RBL2: variants seen among roughly 807,000 people sequenced by gnomAD.
The protein encoded by RBL2 is RB transcriptional corepressor like 2.
In RBL2, 56 loss-of-function variants were observed where a neutral mutation model predicts 126.0. The observed-to-expected ratio is 0.44, with a 90% CI of 0.36 to 0.56. The LOEUF (loss-of-function observed/expected upper bound fraction) is 0.56, where lower values mean the gene tolerates loss of function less well. Ranked by LOEUF, RBL2 falls within the 20% of genes least tolerant of loss-of-function variation. The pLI is 0.00. For missense variants in RBL2, 1,229 were observed against 1,398.2 expected (o/e 0.88, Z 1.93); for synonymous variants, 454 against 478.5 (o/e 0.95, Z 0.67).
At position 53,479,191 on chromosome 16, in the gene RBL2, G is replaced by A. The variant is rs376408962; in HGVS notation, c.2741G>A (p.Arg914His). 11 of 1,613,824 alleles carry A rather than the reference G, an allele frequency of 6.8e-6. No homozygotes were observed. Among genetic ancestry groups the A allele is most frequent in the African/African-American group, 2.7e-5 (2 of 74,894 alleles). The change falls in exon 18 of 22, where the codon CGT (arginine) becomes CAT (histidine). Residue 914 changes from arginine to histidine, a missense_variant. Coordinates refer to ENST00000262133, the MANE Select transcript of RBL2 (RefSeq NM_005611.4). ...GATAAGTCCTTCCAGAACATTATGC[G>A]TTGTTATAGGACTCAGCCGCAGGCC... Reference protein sequence around the residue: ...KEDKSFQNIMRCYRTQPQARS... With the variant: ...KEDKSFQNIMHCYRTQPQARS...
intron 17 of RBL2, among the ~76,000 whole-genome samples, chr16:53,475,548 T>G (rs1036551586): frequency 6.6e-6 from 1 of 152,146 alleles, no homozygotes; most frequent in Admixed American, 6.5e-5. Context: ...TCCCTTTTGT[T>G]CTTGGTCTAG....
In RBL2 at chr16:53,434,664, G is replaced by T; in HGVS notation, c.108G>T (p.Pro36=). The change falls in exon 1 of 22, where the codon CCG becomes CCT. Residue 36 remains proline, a synonymous_variant. Transcript: ENST00000262133. ...EDDGEAEDAA[P]PAESPTPQIQ... ...ACGGCGAGGCGGAAGACGCCGCGCC[G>T]CCTGCCGAGTCGCCCACCCCTCAGA... 6.4e-7 allele frequency: 1 copy of T among 1,559,128 alleles called. No individual in the cohort carries two copies.
At chr16:53,471,583 C>T (rs1017535240) in intron 17 of RBL2, among the ~76,000 whole-genome samples, 2 of 151,998 alleles carry the variant, frequency 1.3e-5, no homozygotes, top group African/African-American at 4.8e-5. Flanking sequence ...ATTCTCCTGT[C>T]GTAGCCTCCC....
chr16:53,482,516 A>G (rs896347448), intron 21 of RBL2, among the ~76,000 whole-genome samples: 1 of 152,192 alleles, frequency 6.6e-6, no homozygotes, highest in Non-Finnish European at 1.5e-5. Context: ...TTATTGATAA[A>G]GGTTGCTTAG....
At chr16:53,472,515 A>G (rs775366282) in intron 17 of RBL2, among the ~76,000 whole-genome samples, 1 of 152,226 alleles carries the variant, frequency 6.6e-6, no homozygotes, top group African/African-American at 2.4e-5. Context: ...GATGTCAAGC[A>G]TCTTTTCATG....
rs2058315898 is a variant in RBL2, at chr16:53,470,804, ATGAAT to A, written c.2589_2593del (p.Leu864GlufsTer8). 6.2e-7 allele frequency: 1 copy of A among 1,614,224 alleles called. No individual in the cohort carries two copies. Among genetic ancestry groups the A allele is most frequent in the Non-Finnish European group, 8.5e-7 (1 of 1,180,028 alleles). On this transcript the variant is annotated frameshift_variant, in exon 17 of 22. Transcript: ENST00000262133. LOFTEE classifies it high-confidence loss of function. ...CTCTGTGCCAAACTAGATATTTCAG[ATGAAT>A]TGAGGAAAAAAATCTGGACCTGCTT...
rs1339100976 is a variant in RBL2 at position 53,479,233 on chromosome 16, C to T, written c.2775+8C>T. On this transcript the variant is annotated splice_region_variant and intron_variant, in intron 18 of 21. Transcript: ENST00000262133. ...CCGCAGGCCCGGAGCCAGGTAACTA[C>T]ATTTTCTCTATGGGCTGAAAAATAA... The T allele has an allele frequency of 6.2e-7, 1 of 1,606,630 alleles. No homozygotes were observed. Among genetic ancestry groups the T allele is most frequent in the East Asian group, 2.2e-5 (1 of 44,818 alleles).
At chr16:53,487,844 A>G (rs917453069) in intron 21 of RBL2, 1 of 152,246 alleles carries the variant, frequency 6.6e-6, no homozygotes, top group Non-Finnish European at 1.5e-5. Flanking sequence ...AAAACCACCA[A>G]ATGTAAAAGT....
In RBL2 at chr16:53,486,125, GAA is replaced by G. The variant is rs59433365; in HGVS notation, c.3250-3986_3250-3985del. Among the ~76,000 whole-genome samples the G allele has an allele frequency of 2.1e-3, 197 of 92,150 alleles. 1 individual carries two copies. Among genetic ancestry groups the G allele is most frequent in the African/African-American group, 7.3e-3 (169 of 23,002 alleles). 60.5% of individuals were successfully genotyped at this position (92,150 alleles called of 152,430 possible). A position where few individuals can be genotyped will look rare whatever the true frequency, so the allele number is the denominator to read the frequency against. On this transcript the variant is annotated intron_variant, in intron 21 of 21. Transcript: ENST00000262133. Reference sequence around the variant, plus strand: ...GGCAACATAGCAAGACCTTGTCTCTGAAAAAAAAAAAAAAAAAAAAGCCAGGT... The same window carrying G: ...GGCAACATAGCAAGACCTTGTCTCTGAAAAAAAAAAAAAAAAAAGCCAGGT...
intron 2 of RBL2, among the ~76,000 whole-genome samples, chr16:53,440,046 A>G (rs1478799911): frequency 1.3e-5 from 2 of 151,792 alleles, no homozygotes; most frequent in Non-Finnish European, 2.9e-5. Context: ...CAGTAATCCC[A>G]GCACTTTTGG....
chr16:53,488,979 C>G (rs1049093914), intron 21 of RBL2: 1 of 151,380 alleles, frequency 6.6e-6, no homozygotes, highest in African/African-American at 2.4e-5. Context: ...CATTAGGAGG[C>G]CAAAGCAGGA....
chr16:53,470,321 C>T (rs966883256), intron 15 of RBL2, 62 bp from the exon 16 acceptor site: 14 of 1,576,764 alleles, frequency 8.9e-6, no homozygotes, highest in Non-Finnish European at 1.2e-5. Context: ...AAATTGTAAA[C>T]CTCTGCCCGG....
chr16:53,448,271 C>T (rs2058082694), intron 4 of RBL2, among the ~76,000 whole-genome samples: 1 of 151,458 alleles, frequency 6.6e-6, no homozygotes, highest in Admixed American at 6.6e-5. Flanking sequence ...AATCTCCTGC[C>T]TCAGCCTCCC....
chr16:53,470,829 C>T lies in RBL2; in HGVS notation c.2610C>T (p.Thr870=). Reference sequence around the variant, plus strand: ...ATGAATTGAGGAAAAAAATCTGGACCTGCTTTGAATTCTCCATAATTCAGT... The same window carrying T: ...ATGAATTGAGGAAAAAAATCTGGACTTGCTTTGAATTCTCCATAATTCAGT... ...ISDELRKKIW[T]CFEFSIIQCP... Residue 870 remains threonine (T), a synonymous_variant, in exon 17 of 22, where the codon ACC becomes ACT. Coordinates refer to ENST00000262133, the MANE Select transcript of RBL2 (RefSeq NM_005611.4). The T allele has an allele frequency of 6.2e-7, 1 of 1,614,062 alleles. No homozygotes were observed. The highest frequency in any genetic ancestry group is 8.5e-7 in the Non-Finnish European group (1 of 1,179,942).
chr16:53,462,504 T>C (rs773994572), intron 10 of RBL2, 48 bp from the exon 11 acceptor site: 2 of 1,228,412 alleles, frequency 1.6e-6, no homozygotes, highest in South Asian at 2.8e-5. Context: ...GCCTTTATTT[T>C]CTTTGTGTGC....
At chr16:53,469,792 G>A in intron 14 of RBL2, 124 bp from the exon 15 acceptor site, 1 of 1,171,558 alleles carries the variant, frequency 8.5e-7, no homozygotes, top group Non-Finnish European at 1.2e-6. Context: ...TGTAATTCTT[G>A]TTTGCTTTTT....
At chr16:53,439,179 G>A (rs1291826219) in intron 2 of RBL2, 33 bp downstream of exon 2, 9 of 1,517,914 alleles carry the variant, frequency 5.9e-6, no homozygotes, top group Middle Eastern at 1.8e-4. Flanking sequence ...AGTAGAGTAT[G>A]GCTAATGTAA....
intron 7 of RBL2, 103 bp downstream of exon 7, chr16:53,453,872 G>T: frequency 9.3e-7 from 1 of 1,075,546 alleles, no homozygotes; most frequent in Non-Finnish European, 1.3e-6. Flanking sequence ...CTGAGAATAT[G>T]TTTTGTGAGA....
chr16:53,450,466 A>C (rs2058104963), intron 4 of RBL2, among the ~76,000 whole-genome samples: 1 of 152,220 alleles, frequency 6.6e-6, no homozygotes, highest in Admixed American at 6.5e-5. Flanking sequence ...TGATACAAGA[A>C]TGTAAAATCA....
Sources: gnomAD v4.1 joint callset for allele counts (sites outside exome capture counted in the v4.1 genomes callset) on GRCh38, gnomAD v4.1.1 for gene constraint, MANE v1.5 for transcripts, NCBI Gene and HGNC (gene_info 2026-07-23, HGNC 2026-07-21) for gene names.